The following ETFA variants were observed in gnomAD, a reference collection of about 807,000 sequenced individuals.
ETFA encodes the protein electron transfer flavoprotein subunit alpha, also known as electron transfer flavoprotein subunit alpha, mitochondrial.
In ETFA, 22 loss-of-function variants were observed where a neutral mutation model predicts 46.2. The observed-to-expected ratio is 0.48, with a 90% CI of 0.34 to 0.68. ETFA has a LOEUF of 0.68. Among genes scored for constraint, ETFA ranks in the 30% least tolerant of loss-of-function variants. ETFA has a pLI of 0.01. For synonymous variants in ETFA, 131 were observed against 139.9 expected (o/e 0.94, Z 0.45); for missense variants, 345 against 401.1 (o/e 0.86, Z 1.19).
At chr15:76,252,897 C>CTT (rs11303378) in intron 9 of ETFA, among the ~76,000 whole-genome samples, 52 of 129,926 alleles carry the variant, frequency 4.0e-4, no homozygotes, top group African/African-American at 1.0e-3. Context: ...ACACAGAGTA[C>CTT]TTTTTTTTTT....
intron 9 of ETFA, among the ~76,000 whole-genome samples, chr15:76,258,246 T>G (rs1439999046): frequency 2.6e-5 from 4 of 152,176 alleles, no homozygotes; most frequent in Non-Finnish European, 4.4e-5. Context: ...GAGGGGCTCC[T>G]GAACTCCTCT....
chr15:76,255,911 G>T (rs11852823), intron 9 of ETFA, among the ~76,000 whole-genome samples: 4,979 of 144,678 alleles, frequency 0.034, 121 homozygotes, highest in Middle Eastern at 0.099. Context: ...GTTTTTTGTT[G>T]TTTTTTTTTT....
chr15:76,293,378 G>GA (rs1386955286), intron 2 of ETFA, among the ~76,000 whole-genome samples: 2 of 152,136 alleles, frequency 1.3e-5, no homozygotes, highest in African/African-American at 4.8e-5. Flanking sequence ...CAATGTCCTG[G>GA]AAATGGTGAA....
At chr15:76,299,242 C>CA (rs2039857568) in intron 1 of ETFA, among the ~76,000 whole-genome samples, 1 of 152,184 alleles carries the variant, frequency 6.6e-6, no homozygotes, top group African/African-American at 2.4e-5. Context: ...TTCGCACTCT[C>CA]ACCCTCCACA....
At chr15:76,295,355 A>G (rs2039807247) in intron 2 of ETFA, among the ~76,000 whole-genome samples, 1 of 152,260 alleles carries the variant, frequency 6.6e-6, no homozygotes, top group Non-Finnish European at 1.5e-5. Context: ...CTGATGGCAC[A>G]TGATGGTGCC....
intron 9 of ETFA, among the ~76,000 whole-genome samples, chr15:76,257,382 G>T (rs1401768983): frequency 6.6e-6 from 1 of 152,178 alleles, no homozygotes; most frequent in African/African-American, 2.4e-5. Flanking sequence ...CTTCTCAAAA[G>T]AAGACATTTA....
At chr15:76,243,561 GC>G (rs59783688) in intron 9 of ETFA, among the ~76,000 whole-genome samples, 37,378 of 151,944 alleles carry the variant, frequency 0.25, 5,528 homozygotes, top group East Asian at 0.56. Context: ...ACTTTGGGAG[GC>G]CGAGGCGGGT....
At chr15:76,267,954 G>C (rs1029416531) in intron 9 of ETFA, among the ~76,000 whole-genome samples, 1 of 152,146 alleles carries the variant, frequency 6.6e-6, no homozygotes, top group Non-Finnish European at 1.5e-5. Context: ...TCTATCATGA[G>C]CCACAGCATC....
intron 11 of ETFA, among the ~76,000 whole-genome samples, chr15:76,218,413 A>G (rs1429393606): frequency 1.3e-5 from 2 of 152,062 alleles, no homozygotes; most frequent in African/African-American, 2.4e-5. Flanking sequence ...GATTACAGGC[A>G]CTCACCACCA....
chr15:76,274,318 G>C, intron 9 of ETFA, 94 bp downstream of exon 9: 1 of 980,558 alleles, frequency 1.0e-6, no homozygotes. Context: ...CAGGAACACT[G>C]AGTAAGGTAA....
intron 8 of ETFA, among the ~76,000 whole-genome samples, chr15:76,276,973 T>C (rs554596592): frequency 3.7e-4 from 56 of 152,358 alleles, no homozygotes; most frequent in Non-Finnish European, 6.9e-4. Context: ...TTTTACCTTT[T>C]AGTATATCTT....
At chr15:76,244,061 T>G (rs1475708263) in intron 9 of ETFA, among the ~76,000 whole-genome samples, 2 of 152,016 alleles carry the variant, frequency 1.3e-5, no homozygotes, top group Non-Finnish European at 2.9e-5. Flanking sequence ...AATTTTGTAT[T>G]TTTAGGAGAA....
intron 9 of ETFA, among the ~76,000 whole-genome samples, chr15:76,256,300 T>C (rs572089074): frequency 6.7e-6 from 1 of 148,776 alleles, no homozygotes; most frequent in South Asian, 2.1e-4. Context: ...CCTTATTAAA[T>C]CTTGACCTTG....
At chr15:76,309,260 T>C (rs1029344347) in intron 1 of ETFA, among the ~76,000 whole-genome samples, 2 of 152,122 alleles carry the variant, frequency 1.3e-5, no homozygotes, top group Non-Finnish European at 2.9e-5. Context: ...CCATACCGGC[T>C]AACACAGTGA....
At position 76,311,342 on chromosome 15, in the gene ETFA, G is replaced by A. The variant is rs771448257; in HGVS notation, c.39+8C>T. The stretch of plus-strand genomic sequence containing the variant: ...GTCCCTGGGTTCGCCTTCCCAGTCC[G>A]GACTCACCGCCCGCCGGAGCTGCCC... On this transcript the variant is annotated splice_region_variant and intron_variant, in intron 1 of 11. Coordinates refer to ENST00000557943, the MANE Select transcript of ETFA (RefSeq NM_000126.4). 8 of 1,556,464 alleles carry A rather than the reference G, an allele frequency of 5.1e-6. 1 individual carries two copies. In the East Asian group the frequency reaches 7.2e-5, roughly 14 times the overall value.
intron 11 of ETFA, among the ~76,000 whole-genome samples, chr15:76,218,940 C>T (rs529232774): frequency 5.2e-4 from 79 of 152,202 alleles, no homozygotes; most frequent in Admixed American, 1.2e-3. Context: ...ACCACCCAAT[C>T]AGAAGTGTCC....
intron 1 of ETFA, among the ~76,000 whole-genome samples, chr15:76,307,489 CTTT>C (rs144568141): frequency 8.4e-6 from 1 of 118,636 alleles, no homozygotes. Context: ...CCATCTTAAC[CTTT>C]TTTTTTTTTT....
intron 10 of ETFA, chr15:76,228,032 G>A (rs1018829415): frequency 4.4e-6 from 2 of 452,100 alleles, no homozygotes; most frequent in Non-Finnish European, 8.9e-6. Flanking sequence ...TTGCATTGGC[G>A]TGTTTCTCTT....
At chr15:76,268,958 A>G (rs953661267) in intron 9 of ETFA, among the ~76,000 whole-genome samples, 10 of 152,334 alleles carry the variant, frequency 6.6e-5, no homozygotes, top group East Asian at 1.9e-4. Flanking sequence ...TAAAACTAAA[A>G]TAGCAGGTTT....
Sources: gnomAD v4.1 joint callset for allele counts (sites outside exome capture counted in the v4.1 genomes callset) on GRCh38, gnomAD v4.1.1 for gene constraint, MANE v1.5 for transcripts, NCBI Gene and HGNC (gene_info 2026-07-23, HGNC 2026-07-21) for gene names.